The following WHRN variants were observed in gnomAD, a reference collection of about 807,000 sequenced individuals.
WHRN encodes the protein whirlin.
WHRN carries 41 observed loss-of-function variants against 68.3 expected under a neutral mutation model. The ratio of observed to expected loss-of-function variants is 0.60; its 90% CI spans 0.47 to 0.78. The LOEUF (loss-of-function observed/expected upper bound fraction) is 0.78. Among genes scored for constraint, WHRN ranks in the 30% least tolerant of loss-of-function variants. WHRN has a pLI of 0.00. For missense variants in WHRN, 1,243 were observed against 1,244.7 expected, an observed-to-expected ratio of 1.00 and a Z score of 0.02; for synonymous variants, 560 against 561.3, an observed-to-expected ratio of 1.00 and a Z score of 0.03.
In WHRN at chr9:114,406,805, G is replaced by C. The variant is rs943711317; in HGVS notation, c.1786C>G (p.Leu596Val). 6.2e-7 allele frequency: 1 copy of C among 1,612,712 alleles called. No homozygotes were observed. The highest frequency in any genetic ancestry group is 2.2e-5 in the East Asian group (1 of 44,828). ...CTCCCCAGCTTCCTTGGCTGGCCTA[G>C]TGGGAGGTCGTTGCCTTGGGCCAGA... ...PPLAQGNDLP[L>V]GQPRKLGRED... The change falls in exon 9 of 12, where the codon CTA (leucine) becomes GTA (valine). Residue 596 changes from leucine to valine, a missense_variant. By Grantham distance (32) the Leu-to-Val change is conservative (BLOSUM62 1). Coordinates refer to ENST00000362057, the MANE Select transcript of WHRN (RefSeq NM_015404.4).
chr9:114,480,101 C>CT (rs1841983744), intron 1 of WHRN, among the ~76,000 whole-genome samples: 1 of 151,954 alleles, frequency 6.6e-6, no homozygotes, highest in South Asian at 2.1e-4. Context: ...AAAGAAGTTC[C>CT]TTTTTTATAG....
chr9:114,406,769 G>A lies in WHRN; in HGVS notation c.1822C>T (p.Gln608Ter), dbSNP rs1049970703. 1 of 1,614,118 alleles carries A rather than the reference G, an allele frequency of 6.2e-7. No homozygotes were observed. Among genetic ancestry groups the A allele is most frequent in the South Asian group, 1.1e-5 (1 of 91,074 alleles). ...CAGGAAGGCATGGAGGAAGGTGGCTGGAGGTCCTCTCTCCCCAGCTTCCTT... is the reference window on the plus strand; with the variant it reads ...CAGGAAGGCATGGAGGAAGGTGGCTAGAGGTCCTCTCTCCCCAGCTTCCTT... ...QPRKLGREDL[Q>*]PPSSMPSCSG... is the part of the protein sequence containing the mutation. Residue 608 changes from glutamine to a stop codon, truncating the protein, a stop_gained, in exon 9 of 12, where the codon CAG (glutamine) becomes TAG (stop). Transcript: ENST00000362057. LOFTEE classifies it high-confidence loss of function.
At chr9:114,491,787 T>C (rs1842994261) in intron 1 of WHRN, 3 of 266,802 alleles carry the variant, frequency 1.1e-5, no homozygotes, top group African/African-American at 2.2e-5. Context: ...CCTGAGTGCC[T>C]GGAGCCAGTC....
At chr9:114,424,910 G>A (rs1836679548) in intron 5 of WHRN, 78 bp downstream of exon 5, 25 of 1,495,302 alleles carry the variant, frequency 1.7e-5, no homozygotes, top group South Asian at 1.5e-4. Context: ...TAAGTCACTC[G>A]GCACCCTCTG....
At chr9:114,412,525 C>T (rs1439199793) in intron 7 of WHRN, among the ~76,000 whole-genome samples, 1 of 152,242 alleles carries the variant, frequency 6.6e-6, no homozygotes, top group Non-Finnish European at 1.5e-5. Flanking sequence ...CAAGGTCACA[C>T]AGCAAGGACA....
intron 1 of WHRN, among the ~76,000 whole-genome samples, chr9:114,485,931 T>C (rs758622142): frequency 1.3e-5 from 2 of 152,160 alleles, no homozygotes; most frequent in Non-Finnish European, 2.9e-5. Context: ...GGAGGTTTGC[T>C]TGAGCCCAAA....
At chr9:114,404,845 T>C (rs1455529332) in intron 9 of WHRN, among the ~76,000 whole-genome samples, 1 of 152,130 alleles carries the variant, frequency 6.6e-6, no homozygotes, top group African/African-American at 2.4e-5. Flanking sequence ...AATAGACTTG[T>C]GCTAGACTGC....
intron 1 of WHRN, among the ~76,000 whole-genome samples, chr9:114,486,721 A>G (rs911573752): frequency 2.7e-5 from 4 of 145,652 alleles, no homozygotes; most frequent in Non-Finnish European, 6.0e-5. Flanking sequence ...ACAGCCCTGG[A>G]GGTAGGCTGT....
intron 1 of WHRN, among the ~76,000 whole-genome samples, chr9:114,497,938 T>C (rs1443424546): frequency 6.6e-6 from 1 of 152,134 alleles, no homozygotes; most frequent in East Asian, 1.9e-4. Flanking sequence ...GGTTCAGAGA[T>C]GTCACGTGAA....
intron 3 of WHRN, among the ~76,000 whole-genome samples, chr9:114,447,758 CT>C (rs1311258910): frequency 1.3e-5 from 1 of 77,452 alleles, no homozygotes; most frequent in East Asian, 3.5e-4. Context: ...CTCTCACACA[CT>C]TTCTCTCTCT....
intron 7 of WHRN, among the ~76,000 whole-genome samples, chr9:114,412,102 T>G (rs1835483587): frequency 6.6e-6 from 1 of 152,054 alleles, no homozygotes; most frequent in Non-Finnish European, 1.5e-5. Context: ...AGGCCTGAAG[T>G]GGAGCAAATG....
intron 7 of WHRN, among the ~76,000 whole-genome samples, chr9:114,413,636 G>A (rs1835612856): frequency 6.6e-6 from 1 of 152,202 alleles, no homozygotes; most frequent in African/African-American, 2.4e-5. Flanking sequence ...CAGAATGGGA[G>A]AGAAATAATC....
intron 3 of WHRN, among the ~76,000 whole-genome samples, chr9:114,437,759 A>T (rs899591060): frequency 6.6e-6 from 1 of 152,232 alleles, no homozygotes; most frequent in Admixed American, 6.5e-5. Flanking sequence ...GAAATGTGAG[A>T]AAACAGAGTC....
chr9:114,474,408 T>C (rs902925952), intron 2 of WHRN, among the ~76,000 whole-genome samples: 2 of 152,126 alleles, frequency 1.3e-5, no homozygotes, highest in African/African-American at 4.8e-5. Context: ...GTCTCTGTTG[T>C]CTACAGAAAA....
chr9:114,466,528 G>C, intron 2 of WHRN, 136 bp from the exon 3 acceptor site: 5 of 1,276,776 alleles, frequency 3.9e-6, no homozygotes, highest in South Asian at 1.2e-5. Flanking sequence ...CCAAGGCCTG[G>C]AAGATACCCT....
chr9:114,504,248 C>A lies in WHRN; in HGVS notation c.554G>T (p.Gly185Val). 6.2e-7 allele frequency: 1 copy of A among 1,614,166 alleles called. No homozygotes were observed. Among genetic ancestry groups the A allele is most frequent in the Non-Finnish European group, 8.5e-7 (1 of 1,180,034 alleles). Reference protein sequence around the residue: ...SLAEKEGLRVGDQILRVNDKS... With the variant: ...SLAEKEGLRVVDQILRVNDKS... The stretch of plus-strand genomic sequence containing the variant: ...GTCGTTGACGCGCAGAATCTGGTCC[C>A]CGACCCGCAGTCCTTCCTTCTCAGC... Residue 185 changes from glycine to valine, a missense_variant, in exon 1 of 12, where the codon GGG becomes GTG. Physicochemically the swap from Gly to Val is moderately radical, Grantham distance 109. Coordinates refer to ENST00000362057, the MANE Select transcript of WHRN (RefSeq NM_015404.4).
At chr9:114,502,208 A>G (rs921029547) in intron 1 of WHRN, among the ~76,000 whole-genome samples, 1 of 152,184 alleles carries the variant, frequency 6.6e-6, no homozygotes, top group Non-Finnish European at 1.5e-5. Flanking sequence ...CTGGGGCAAG[A>G]GCTCATTTTG....
rs573685672 is a variant in WHRN at position 114,433,314 on chromosome 9, C to T, written c.964-6901G>A. Reference sequence around the variant, plus strand: ...AGTTGTTAGGAGAGAAGGCTGCCAACAACCTGATCCCGAGGCTGAGCTGGG... The same window carrying T: ...AGTTGTTAGGAGAGAAGGCTGCCAATAACCTGATCCCGAGGCTGAGCTGGG... On this transcript the variant is annotated intron_variant, in intron 3 of 11. Coordinates refer to ENST00000362057, the MANE Select transcript of WHRN (RefSeq NM_015404.4). 5.3e-5 allele frequency among the ~76,000 whole-genome samples: 8 copies of T among 152,344 alleles called. No individual in the cohort carries two copies. The East Asian group carries it at 1.4e-3, about 26-fold the overall frequency.
At position 114,406,676 on chromosome 9, in the gene WHRN, T is replaced by G; in HGVS notation, c.1915A>C (p.Thr639Pro). ...PPAGTAPTPG[T>P]SSAQDLPSSP... ...GAGGGCAAGTCCTGTGCAGAGGAGG[T>G]CCCTGGGGTGGGTGCGGTGCCCGCT... The change falls in exon 9 of 12, where the codon ACC (threonine) becomes CCC (proline). Residue 639 changes from threonine (T) to proline (P), a missense_variant. Transcript: ENST00000362057. 6.2e-7 allele frequency: 1 copy of G among 1,613,634 alleles called. No individual in the cohort carries two copies. Among genetic ancestry groups the G allele is most frequent in the Non-Finnish European group, 8.5e-7 (1 of 1,179,946 alleles).
Sources: gnomAD v4.1 joint callset for allele counts (sites outside exome capture counted in the v4.1 genomes callset) on GRCh38, gnomAD v4.1.1 for gene constraint, MANE v1.5 for transcripts, NCBI Gene and HGNC (gene_info 2026-07-23, HGNC 2026-07-21) for gene names.